LAIR1: variants seen among roughly 807,000 people sequenced by gnomAD.
The protein encoded by LAIR1 is leukocyte-associated immunoglobulin-like receptor 1.
In LAIR1, 24 loss-of-function variants were observed where a neutral mutation model predicts 32.8. That is an observed-to-expected ratio of 0.73 (90% CI 0.53 to 1.03). The LOEUF (loss-of-function observed/expected upper bound fraction) is 1.03. Among genes scored for constraint, LAIR1 ranks in the 50% least tolerant of loss-of-function variants. The pLI is 0.00. For missense variants in LAIR1, 355 were observed against 347.5 expected (o/e 1.02, Z -0.17); for synonymous variants, 150 against 140.5 (o/e 1.07, Z -0.48).
chr19:54,373,867 C>A (rs760930420), upstream of LAIR1, among the ~76,000 whole-genome samples: 1 of 152,228 alleles, frequency 6.6e-6, no homozygotes, highest in Admixed American at 6.5e-5. Flanking sequence ...TGCCCTTGGG[C>A]AATGGCGTCC....
upstream of LAIR1, among the ~76,000 whole-genome samples, chr19:54,369,490 G>A (rs1427449407): frequency 6.6e-6 from 1 of 151,344 alleles, no homozygotes; most frequent in Non-Finnish European, 1.5e-5. Context: ...GTGATACAGA[G>A]CTGTCGTTGT....
chr19:54,365,831 A>T (rs1962688812), upstream of LAIR1, among the ~76,000 whole-genome samples: 1 of 152,128 alleles, frequency 6.6e-6, no homozygotes, highest in Non-Finnish European at 1.5e-5. Context: ...AACTCCCCTG[A>T]TCACTGCAGC....
At position 54,354,335 on chromosome 19, in the gene LAIR1, A is replaced by G. The variant is rs1026381310; in HGVS notation, c.*933T>C. The G allele has an allele frequency of 1.3e-5, 2 of 151,982 alleles. No homozygotes were observed. Among genetic ancestry groups the G allele is most frequent in the African/African-American group, 4.8e-5 (2 of 41,350 alleles). The allele number at this position is 151,982 out of a possible 1,614,324, so 9.4% of individuals were successfully genotyped here. ...CGGCTCTCTGCCTTCACCCAGCCAC[A>G]CCTCCCTCATTCATTCCTGATACAC... On this transcript the variant is annotated 3_prime_UTR_variant, in exon 10 of 10. Coordinates refer to ENST00000391742, the MANE Select transcript of LAIR1 (RefSeq NM_002287.6).
chr19:54,362,463 C>A (rs1469481627), intron 2 of LAIR1, among the ~76,000 whole-genome samples: 1 of 152,144 alleles, frequency 6.6e-6, no homozygotes, highest in African/African-American at 2.4e-5. Context: ...AAGGGAGGAC[C>A]GGTATTGATC....
At position 54,364,795 on chromosome 19, in the gene LAIR1, G is replaced by A. The variant is rs758286898; in HGVS notation, c.10C>T (p.His4Tyr). 3 of 1,614,050 alleles carry A rather than the reference G, an allele frequency of 1.9e-6. No homozygotes were observed. Among genetic ancestry groups the A allele is most frequent in the Non-Finnish European group, 2.5e-6 (3 of 1,179,924 alleles). The change falls in exon 1 of 10, where the codon CAC becomes TAC. Residue 4 changes from histidine (H) to tyrosine (Y), a missense_variant. By Grantham distance (83) the His-to-Tyr change is moderately conservative. Coordinates refer to ENST00000391742, the MANE Select transcript of LAIR1 (RefSeq NM_002287.6). The surrounding 1 kb of genome is among the most constrained non-coding windows in gnomAD (Gnocchi z 4.8). MSPHPTALLGLVLC... is the reference protein window; with the variant it reads MSPYPTALLGLVLC... ...CCTAGGCCCAGGAGGGCGGTGGGGT[G>A]GGGAGACATGGCCCAGGTCCCAGCA...
At chr19:54,363,787 G>A (rs2082133093) in intron 2 of LAIR1, among the ~76,000 whole-genome samples, 2 of 152,162 alleles carry the variant, frequency 1.3e-5, no homozygotes, top group South Asian at 2.1e-4. Context: ...GGTTATTGGA[G>A]GCTGCAGGTG....
Position 54,370,251 on chromosome 19 carries a change from C to A in LAIR1, c.16+11G>T. The A allele has an allele frequency of 2.0e-6, 3 of 1,516,320 alleles. No individual in the cohort carries two copies. In the Middle Eastern group the frequency reaches 5.1e-4, roughly 256 times the overall value. 93.9% of individuals were successfully genotyped at this position (1,516,320 alleles called of 1,614,324 possible). Reference sequence around the variant, plus strand: ...AAGCAACCTGAGGGTGGTGTGGTAGCAGGGACTCACCCATTTCTCTTTCCA... The same window carrying A: ...AAGCAACCTGAGGGTGGTGTGGTAGAAGGGACTCACCCATTTCTCTTTCCA... On this transcript the variant is annotated intron_variant, in intron 1 of 8. Coordinates refer to the LAIR1 transcript ENST00000391743.
intron 3 of LAIR1, chr19:54,360,706 C>G: frequency 3.5e-6 from 2 of 569,850 alleles, no homozygotes; most frequent in South Asian, 4.7e-5. Flanking sequence ...CCATCCGTGG[C>G]GTCCAGAGGA....
Position 54,356,651 on chromosome 19 carries a change from G to A in LAIR1, c.455-32C>T, listed in dbSNP as rs376503622. On this transcript the variant is annotated intron_variant, in intron 5 of 9. Transcript: ENST00000391742. ...AAGACAGAAACAGGATTTCAGCAGT[G>A]TGCATTTATTGAGCACCTACTGTAT... 5.7e-4 allele frequency: 919 copies of A among 1,610,830 alleles called. 21 individuals carry two copies. The South Asian group carries it at 8.8e-3, about 15-fold the overall frequency.
chr19:54,356,139 G>A, intron 8 of LAIR1, 91 bp downstream of exon 8: 1 of 1,406,182 alleles, frequency 7.1e-7, no homozygotes, highest in Admixed American at 1.7e-5. Context: ...TGTTCCCAAA[G>A]ATTCTTCCCC....
exon 1 of LAIR1, chr19:54,370,453 G>A (rs2082376728): frequency 7.7e-6 from 4 of 521,916 alleles, no homozygotes; most frequent in Non-Finnish European, 1.4e-5. Flanking sequence ...GCGCTGTGGA[G>A]AGACCAGGTC....
At chr19:54,363,192 G>C (rs1464129711) in intron 2 of LAIR1, among the ~76,000 whole-genome samples, 1 of 151,966 alleles carries the variant, frequency 6.6e-6, no homozygotes, top group South Asian at 2.1e-4. Flanking sequence ...GGCCGGCCTC[G>C]GGGAGCCACG....
upstream of LAIR1, among the ~76,000 whole-genome samples, chr19:54,366,436 C>A (rs1195948154): frequency 3.9e-5 from 6 of 152,220 alleles, no homozygotes; most frequent in African/African-American, 1.4e-4. Flanking sequence ...AACAACGTGG[C>A]TGCATTCTGT....
At position 54,355,562 on chromosome 19, in the gene LAIR1, T is replaced by C. The variant is rs1043790087; in HGVS notation, c.718-148A>G. The C allele has an allele frequency of 2.1e-5, 14 of 679,486 alleles. No homozygotes were observed. Among genetic ancestry groups the C allele is most frequent in the Non-Finnish European group, 2.7e-5 (11 of 411,676 alleles). The allele number at this position is 679,486 out of a possible 1,614,324, so 42.1% of individuals were successfully genotyped here. On this transcript the variant is annotated intron_variant, in intron 9 of 9. Coordinates refer to ENST00000391742, the MANE Select transcript of LAIR1 (RefSeq NM_002287.6). The surrounding 1 kb of genome is among the most constrained non-coding windows in gnomAD (Gnocchi z 4.7). Reference sequence around the variant, plus strand: ...GTGTGAAGAGCCCTCCCACAGGGTATTGGGGTTGGTTTACGTGACAATGAA... The same window carrying C: ...GTGTGAAGAGCCCTCCCACAGGGTACTGGGGTTGGTTTACGTGACAATGAA...
chr19:54,370,742 T>G (rs1466131531), upstream of LAIR1, among the ~76,000 whole-genome samples: 2 of 151,140 alleles, frequency 1.3e-5, no homozygotes, highest in Non-Finnish European at 2.9e-5. Flanking sequence ...TTCCCAAACG[T>G]TACTTTTTTT....
upstream of LAIR1, among the ~76,000 whole-genome samples, chr19:54,367,794 C>T (rs1340015415): frequency 7.3e-6 from 1 of 136,654 alleles, no homozygotes; most frequent in Non-Finnish European, 1.5e-5. Flanking sequence ...GAGACAGAGT[C>T]TCGCTCTGTC....
At chr19:54,357,661 C>T (rs1460608838) in intron 4 of LAIR1, 1 of 152,362 alleles carries the variant, frequency 6.6e-6, no homozygotes, top group East Asian at 1.9e-4. Context: ...CGCCACTACC[C>T]AATTCCCAGG....
rs1193613617 is a variant in LAIR1 at position 54,351,502 on chromosome 19, C to T, written c.*3766G>A. On this transcript the variant is annotated 3_prime_UTR_variant, in exon 10 of 10. Coordinates refer to ENST00000391742, the MANE Select transcript of LAIR1 (RefSeq NM_002287.6). Reference sequence around the variant, plus strand: ...TGGTGCAATCAAGTGCATACTGCTTCCCAGATCCTACAAGAAAGGAGATTA... The same window carrying T: ...TGGTGCAATCAAGTGCATACTGCTTTCCAGATCCTACAAGAAAGGAGATTA... 1.3e-5 allele frequency: 2 copies of T among 152,184 alleles called. No individual in the cohort carries two copies. The highest frequency in any genetic ancestry group is 2.9e-5 in the Non-Finnish European group (2 of 68,038). The allele number at this position is 152,184 out of a possible 1,614,324, so 9.4% of individuals were successfully genotyped here.
chr19:54,373,957 G>T (rs762458186), upstream of LAIR1, among the ~76,000 whole-genome samples: 2 of 152,186 alleles, frequency 1.3e-5, no homozygotes, highest in African/African-American at 2.4e-5. Flanking sequence ...TGTCATTTCT[G>T]TCCAGAATTG....
Sources: allele counts gnomAD v4.1 joint callset (sites outside exome capture counted in the v4.1 genomes callset), GRCh38; gene constraint gnomAD v4.1.1; non-coding constraint Gnocchi (gnomAD v3.1); transcripts MANE v1.5; gene names NCBI Gene and HGNC (gene_info 2026-07-23, HGNC 2026-07-21).